Variants in ADGRB1 observed in about 807,000 individuals in gnomAD.
The protein encoded by ADGRB1 is brain-specific angiogenesis inhibitor 1.
ADGRB1 carries 36 observed loss-of-function variants against 175.7 expected under a neutral mutation model. That is an observed-to-expected ratio of 0.20 (90% CI 0.16 to 0.27). The LOEUF (loss-of-function observed/expected upper bound fraction) is 0.27, where lower values mean the gene tolerates loss of function less well. Ranked by LOEUF, ADGRB1 falls within the 10% of genes least tolerant of loss-of-function variation. ADGRB1 has a pLI of 1.00. For missense variants in ADGRB1, 1,731 were observed against 2,255.3 expected (o/e 0.77, Z 4.71); for synonymous variants, 1,054 against 979.4 (o/e 1.08, Z -1.42).
chr8:142,482,123 T>C (rs1437221655), intron 11 of ADGRB1, among the ~76,000 whole-genome samples: 4 of 147,916 alleles, frequency 2.7e-5, no homozygotes, highest in Non-Finnish European at 4.5e-5. Context: ...CTCTGAGTCC[T>C]GACCCTTGTC....
chr8:142,503,863 G>A (rs998949450), intron 17 of ADGRB1, among the ~76,000 whole-genome samples: 7 of 152,106 alleles, frequency 4.6e-5, no homozygotes, highest in Non-Finnish European at 8.8e-5. Flanking sequence ...TCAGTGTGGC[G>A]GCGCCAGGTG....
At chr8:142,528,169 A>G (rs570782012) in intron 24 of ADGRB1, among the ~76,000 whole-genome samples, 3 of 152,258 alleles carry the variant, frequency 2.0e-5, no homozygotes, top group Non-Finnish European at 4.4e-5. Context: ...ACATGCCACG[A>G]GGACCTGCAC....
Position 142,543,535 on chromosome 8 carries a change from G to A in ADGRB1, c.4450-66G>A, listed in dbSNP as rs1336803285. On this transcript the variant is annotated intron_variant, in intron 29 of 30. Coordinates refer to ENST00000517894, the MANE Select transcript of ADGRB1 (RefSeq NM_001702.3). This position sits in a 1 kb window ranked among gnomAD's most constrained non-coding sequence, Gnocchi z 4.4. ...GCTCCCCGGCAGCCAGGGGACGGGC[G>A]GGGCAGGCAGGATGGGCCATGCCCT... The A allele has an allele frequency of 3.0e-5, 47 of 1,589,384 alleles. No individual in the cohort carries two copies. Among genetic ancestry groups the A allele is most frequent in the Non-Finnish European group, 3.8e-5 (44 of 1,167,206 alleles).
At chr8:142,540,911 AG>A (rs1332192613) in intron 27 of ADGRB1, among the ~76,000 whole-genome samples, 1 of 151,610 alleles carries the variant, frequency 6.6e-6, no homozygotes, top group Non-Finnish European at 1.5e-5. Flanking sequence ...CTGAGCTCTG[AG>A]GGGGACGGGG....
chr8:142,485,981 A>T (rs1467414490), intron 13 of ADGRB1, among the ~76,000 whole-genome samples: 1 of 152,002 alleles, frequency 6.6e-6, no homozygotes, highest in East Asian at 1.9e-4. Context: ...CCATAATACC[A>T]CTAAAGCCAT....
In ADGRB1 at chr8:142,510,830, CGGGGCCGGGGCGCGGAGCCGCCGCTCG is replaced by C. The variant is rs1470365004; in HGVS notation, c.2676-88_2676-62del. On this transcript the variant is annotated intron_variant, in intron 17 of 30. Coordinates refer to ENST00000517894, the MANE Select transcript of ADGRB1 (RefSeq NM_001702.3). The surrounding 1 kb of genome is among the most constrained non-coding windows in gnomAD (Gnocchi z 6.3). ...CAGGTGCGGGGCGGCGGGCCGGGGC[CGGGGCCGGGGCGCGGAGCCGCCGCTCG>C]GGGGCCGGGGCGCCCGCGTCCCCGC... 1.4e-5 allele frequency: 8 copies of C among 560,976 alleles called. No individual in the cohort carries two copies. Among genetic ancestry groups the C allele is most frequent in the Middle Eastern group, 8.8e-4 (1 of 1,130 alleles). The allele number at this position is 560,976 out of a possible 1,614,324, so 34.7% of individuals were successfully genotyped here. A position where few individuals can be genotyped will look rare whatever the true frequency, so the allele number is the denominator to read the frequency against.
intron 23 of ADGRB1, 25 bp from the exon 24 acceptor site, chr8:142,526,508 CACCCCCACA>C: frequency 7.7e-7 from 1 of 1,307,082 alleles, no homozygotes; most frequent in Non-Finnish European, 1.1e-6. Context: ...CGGCGGCCCC[CACCCCCACA>C]CCCCCACCAC....
At chr8:142,528,098 A>G (rs1048407772) in intron 24 of ADGRB1, among the ~76,000 whole-genome samples, 5 of 152,196 alleles carry the variant, frequency 3.3e-5, no homozygotes, top group African/African-American at 1.2e-4. Context: ...AGGGGCACCC[A>G]GTACACCGGT....
rs1271043841 is a variant in ADGRB1 at position 142,479,734 on chromosome 8, A to G, written c.1768A>G (p.Ile590Val). The G allele has an allele frequency of 1.2e-6, 2 of 1,613,262 alleles. No individual in the cohort carries two copies. Among genetic ancestry groups the G allele is most frequent in the East Asian group, 2.2e-5 (1 of 44,854 alleles). ...ICDEDNFGAVIWKETPAGEVA... is the reference protein window; with the variant it reads ...ICDEDNFGAVVWKETPAGEVA... ...TGATGAGGACAACTTTGGTGCTGTGATCTGGAAGGAGACCCCAGCGGGAGA... is the reference window on the plus strand; with the variant it reads ...TGATGAGGACAACTTTGGTGCTGTGGTCTGGAAGGAGACCCCAGCGGGAGA... The change falls in exon 9 of 31, where the codon ATC becomes GTC. Residue 590 changes from isoleucine (I) to valine (V), a missense_variant. Physicochemically the swap from Ile to Val is conservative, Grantham distance 29 (BLOSUM62 3). Coordinates refer to ENST00000517894, the MANE Select transcript of ADGRB1 (RefSeq NM_001702.3).
chr8:142,539,618 G>T, intron 27 of ADGRB1: 1 of 628,424 alleles, frequency 1.6e-6, no homozygotes. Flanking sequence ...ACTTCCTGAG[G>T]CCGAAGGAGG....
intron 18 of ADGRB1, among the ~76,000 whole-genome samples, chr8:142,516,443 G>A (rs1843439544): frequency 7.0e-6 from 1 of 143,082 alleles, no homozygotes; most frequent in South Asian, 2.3e-4. Flanking sequence ...GCGGGCCCCA[G>A]GTGCGTGTGT....
chr8:142,463,584 A>G (rs1346675819), intron 1 of ADGRB1, among the ~76,000 whole-genome samples: 2 of 152,198 alleles, frequency 1.3e-5, no homozygotes, highest in Non-Finnish European at 2.9e-5. Context: ...TACACCCTCC[A>G]CTCACAGAGG....
At chr8:142,475,082 C>T (rs966660833) in intron 2 of ADGRB1, among the ~76,000 whole-genome samples, 2 of 152,170 alleles carry the variant, frequency 1.3e-5, no homozygotes, top group Admixed American at 6.5e-5. Context: ...AGAAACTGGA[C>T]GGAGCCTGGA....
At position 142,543,460 on chromosome 8, in the gene ADGRB1, C is replaced by A. The variant is rs113550524; in HGVS notation, c.4449+22C>A. 4.9e-5 allele frequency: 79 copies of A among 1,613,536 alleles called. No individual in the cohort carries two copies. The highest frequency in any genetic ancestry group is 1.1e-4 in the East Asian group (5 of 44,860). ...TGAGGTGAGTTCTGGTGTCCCCCCC[C>A]ACCAGACACTTAGGGCCAGATGTGC... On this transcript the variant is annotated intron_variant, in intron 29 of 30. Coordinates refer to ENST00000517894, the MANE Select transcript of ADGRB1 (RefSeq NM_001702.3). The surrounding 1 kb of genome is among the most constrained non-coding windows in gnomAD (Gnocchi z 4.4).
intron 20 of ADGRB1, 118 bp from the exon 21 acceptor site, chr8:142,521,847 T>C: frequency 8.3e-7 from 1 of 1,201,800 alleles, no homozygotes; most frequent in African/African-American, 1.5e-5. Context: ...GGGGACCTGG[T>C]TGGGTCCCAG....
Position 142,481,149 on chromosome 8 carries a change from T to C in ADGRB1, c.1829-105T>C, listed in dbSNP as rs572076784. Reference sequence around the variant, plus strand: ...GAGGCCATGGGCGAGTCCCTGTTTCTGGGGGCCACAGGGTCCCTTCCAGAA... The same window carrying C: ...GAGGCCATGGGCGAGTCCCTGTTTCCGGGGGCCACAGGGTCCCTTCCAGAA... On this transcript the variant is annotated intron_variant, in intron 9 of 30. Coordinates refer to ENST00000517894, the MANE Select transcript of ADGRB1 (RefSeq NM_001702.3). The C allele has an allele frequency of 2.8e-5, 29 of 1,043,232 alleles. No individual in the cohort carries two copies. In the African/African-American group the frequency reaches 3.6e-4, roughly 13 times the overall value. The allele number at this position is 1,043,232 out of a possible 1,614,324, so 64.6% of individuals were successfully genotyped here.
At chr8:142,488,563 C>G in intron 14 of ADGRB1, 56 bp downstream of exon 14, 1 of 1,593,060 alleles carries the variant, frequency 6.3e-7, no homozygotes, top group South Asian at 1.1e-5. Flanking sequence ...GCCCCAGAGT[C>G]GGACGGTCAC....
At position 142,464,759 on chromosome 8, in the gene ADGRB1, G is replaced by C. The variant is rs1411717310; in HGVS notation, c.561G>C (p.Gln187His). 1 of 1,535,046 alleles carries C rather than the reference G, an allele frequency of 6.5e-7. No homozygotes were observed. Among genetic ancestry groups the C allele is most frequent in the Non-Finnish European group, 8.7e-7 (1 of 1,145,716 alleles). Reference sequence around the variant, plus strand: ...GCAACCCCAGCCGTGCCGCCTGCCAGATGCTGTGCCGCTGGCTGGACGCGT... The same window carrying C: ...GCAACCCCAGCCGTGCCGCCTGCCACATGCTGTGCCGCTGGCTGGACGCGT... Reference protein sequence around the residue: ...GNRNPSRAACQMLCRWLDACL... With the variant: ...GNRNPSRAACHMLCRWLDACL... The change falls in exon 2 of 31, where the codon CAG becomes CAC. Residue 187 changes from glutamine (Q) to histidine (H), a missense_variant. Physicochemically the swap from Gln to His is conservative, Grantham distance 24. Transcript: ENST00000517894.
At chr8:142,516,992 A>G (rs1843485507) in intron 18 of ADGRB1, among the ~76,000 whole-genome samples, 2 of 152,078 alleles carry the variant, frequency 1.3e-5, no homozygotes, top group South Asian at 2.1e-4. Flanking sequence ...GGGGTCGGGA[A>G]TGGCAGGGTC....
Sources: gnomAD v4.1 joint callset for allele counts (sites outside exome capture counted in the v4.1 genomes callset) on GRCh38, gnomAD v4.1.1 for gene constraint, Gnocchi (gnomAD v3.1) non-coding constraint, MANE v1.5 for transcripts, NCBI Gene and HGNC (gene_info 2026-07-23, HGNC 2026-07-21) for gene names.